Variants in ABL1 observed in about 807,000 individuals in gnomAD.
The protein encoded by ABL1 is tyrosine-protein kinase ABL1.
In ABL1, 11 loss-of-function variants were observed where a neutral mutation model predicts 94.7. The ratio of observed to expected loss-of-function variants is 0.12; its 90% CI spans 0.07 to 0.19. The LOEUF is 0.19. Ranked by LOEUF, ABL1 falls within the 10% of genes least tolerant of loss-of-function variation. ABL1 has a pLI of 1.00. For synonymous variants in ABL1, 656 were observed against 622.4 expected, an observed-to-expected ratio of 1.05 and a Z score of -0.80; for missense variants, 1,082 against 1,489.4, an observed-to-expected ratio of 0.73 and a Z score of 4.50.
chr9:130,859,684 T>C lies in ABL1; in HGVS notation c.550-3079T>C, dbSNP rs1273740804. Among the ~76,000 whole-genome samples, 244 of 107,194 alleles carry C rather than the reference T, an allele frequency of 2.3e-3. 19 individuals are homozygous for C. The highest frequency in any genetic ancestry group is 0.01 in the African/African-American group (227 of 22,160). 70.3% of individuals were successfully genotyped at this position (107,194 alleles called of 152,430 possible). ...GTTTCTTTTCTTTCTTTCCTTTTTT[T>C]TTTTTTTTTTTTTTTTTTTTTTGAG... On this transcript the variant is annotated intron_variant, in intron 3 of 10. Coordinates refer to ENST00000318560, the MANE Select transcript of ABL1 (RefSeq NM_005157.6).
At chr9:130,851,703 G>A (rs1830867319) in intron 1 of ABL1, among the ~76,000 whole-genome samples, 2 of 149,730 alleles carry the variant, frequency 1.3e-5, no homozygotes, top group Non-Finnish European at 3.0e-5. Context: ...GTTACCATTT[G>A]TTTGGCTCAA....
upstream of ABL1, among the ~76,000 whole-genome samples, chr9:130,831,527 ATT>A (rs1830494524): frequency 6.6e-6 from 1 of 152,218 alleles, no homozygotes; most frequent in Middle Eastern, 3.2e-3. Flanking sequence ...AATGAATTAA[ATT>A]TTAGAAATAT....
At chr9:130,819,082 G>A (rs904267170) in intron 1 of ABL1, among the ~76,000 whole-genome samples, 3 of 152,240 alleles carry the variant, frequency 2.0e-5, no homozygotes, top group East Asian at 1.9e-4. Context: ...TGCCGGGCGC[G>A]ATGGCTCATG....
intron 1 of ABL1, among the ~76,000 whole-genome samples, chr9:130,748,392 A>C (rs1054781293): frequency 6.6e-6 from 1 of 152,048 alleles, no homozygotes; most frequent in African/African-American, 2.4e-5. Context: ...CTCTAATATA[A>C]GAGTTGAATG....
intron 1 of ABL1, among the ~76,000 whole-genome samples, chr9:130,818,655 TGTG>T (rs1254276635): frequency 3.9e-5 from 6 of 152,212 alleles, no homozygotes; most frequent in Admixed American, 1.3e-4. Context: ...AAATGGTGTA[TGTG>T]GTGCCAGGTA....
intron 1 of ABL1, among the ~76,000 whole-genome samples, chr9:130,767,058 T>C (rs1284699859): frequency 6.6e-6 from 1 of 152,150 alleles, no homozygotes; most frequent in Non-Finnish European, 1.5e-5. Flanking sequence ...GGCCCTGCCC[T>C]TCACTCAGCT....
At chr9:130,833,234 C>T (rs544253373), upstream of ABL1, among the ~76,000 whole-genome samples, 7 of 152,204 alleles carry the variant, frequency 4.6e-5, no homozygotes, top group East Asian at 1.2e-3. Flanking sequence ...GGCATTAAGC[C>T]GCCAATTTGA....
At chr9:130,714,593 G>C in intron 1 of ABL1, 1 of 1,159,646 alleles carries the variant, frequency 8.6e-7, no homozygotes, top group South Asian at 1.3e-5. Context: ...TTATCTCTTA[G>C]TGGAACTTTC....
At chr9:130,762,731 G>A (rs1832131579) in intron 1 of ABL1, among the ~76,000 whole-genome samples, 1 of 152,000 alleles carries the variant, frequency 6.6e-6, no homozygotes. Flanking sequence ...CTAACACGGT[G>A]AAACCCCTTC....
chr9:130,803,739 C>T (rs572856439), intron 1 of ABL1, among the ~76,000 whole-genome samples: 43 of 152,198 alleles, frequency 2.8e-4, no homozygotes, highest in African/African-American at 9.2e-4. Flanking sequence ...TTATTGAAAA[C>T]GGAATACATA....
intron 7 of ABL1, among the ~76,000 whole-genome samples, chr9:130,878,151 A>C (rs757889412): frequency 6.6e-6 from 1 of 151,936 alleles, no homozygotes; most frequent in African/African-American, 2.4e-5. Flanking sequence ...GGGTTTCGCC[A>C]TGTTGGCCAG....
At chr9:130,801,535 TTTTC>T (rs1830054579) in intron 1 of ABL1, among the ~76,000 whole-genome samples, 1 of 152,184 alleles carries the variant, frequency 6.6e-6, no homozygotes, top group Non-Finnish European at 1.5e-5. Flanking sequence ...TGACAATGGA[TTTTC>T]TTTGTTTTCT....
At chr9:130,716,286 G>A (rs983014687) in intron 1 of ABL1, among the ~76,000 whole-genome samples, 13 of 151,772 alleles carry the variant, frequency 8.6e-5, no homozygotes, top group Non-Finnish European at 1.3e-4. Context: ...TAGTAGAGAC[G>A]GGGTTTCGCC....
chr9:130,824,683 T>C (rs891049000), intron 1 of ABL1, among the ~76,000 whole-genome samples: 5 of 152,160 alleles, frequency 3.3e-5, no homozygotes, highest in African/African-American at 1.2e-4. Flanking sequence ...AGGTTGCCTT[T>C]GGAAGCAAAA....
intron 1 of ABL1, among the ~76,000 whole-genome samples, chr9:130,811,310 G>C (rs1317362848): frequency 1.3e-5 from 2 of 151,894 alleles, no homozygotes; most frequent in Admixed American, 1.3e-4. Context: ...ACAAATAAAA[G>C]AAAACTGGAG....
chr9:130,872,030 G>A lies in ABL1; in HGVS notation c.823-99G>A. 9.6e-7 allele frequency: 1 copy of A among 1,043,720 alleles called. No homozygotes were observed. Among genetic ancestry groups the A allele is most frequent in the Non-Finnish European group, 1.4e-6 (1 of 692,748 alleles). The allele number at this position is 1,043,720 out of a possible 1,614,324, so 64.7% of individuals were successfully genotyped here. A position where few individuals can be genotyped will look rare whatever the true frequency, so the allele number is the denominator to read the frequency against. ...TGTCACAAAACGCAGCCCAGGACGA[G>A]TATGCGCTGAAGCTCCATTTTGCAT... On this transcript the variant is annotated intron_variant, in intron 4 of 10. Coordinates refer to ENST00000318560, the MANE Select transcript of ABL1 (RefSeq NM_005157.6). This position sits in a 1 kb window ranked among gnomAD's most constrained non-coding sequence, Gnocchi z 5.0.
chr9:130,880,016 G>T lies in ABL1; in HGVS notation c.1424-52G>T. 1 of 1,516,320 alleles carries T rather than the reference G, an allele frequency of 6.6e-7. No homozygotes were observed. The highest frequency in any genetic ancestry group is 9.2e-7 in the Non-Finnish European group (1 of 1,091,000). 93.9% of individuals were successfully genotyped at this position (1,516,320 alleles called of 1,614,324 possible). ...CTTTTCCTTGAGAACTGCTAGCCCC[G>T]TATTGCTAGCCAGATCTCATGGATG... On this transcript the variant is annotated intron_variant, in intron 8 of 10. Transcript: ENST00000318560. This position sits in a 1 kb window ranked among gnomAD's most constrained non-coding sequence, Gnocchi z 4.4.
chr9:130,764,065 G>A (rs1368103380), intron 1 of ABL1, among the ~76,000 whole-genome samples: 2 of 152,180 alleles, frequency 1.3e-5, no homozygotes, highest in Non-Finnish European at 2.9e-5. Context: ...AGGTGAGGGT[G>A]TTCCAGGCTG....
intron 1 of ABL1, among the ~76,000 whole-genome samples, chr9:130,723,334 A>G (rs1831539200): frequency 6.6e-6 from 1 of 152,158 alleles, no homozygotes; most frequent in African/African-American, 2.4e-5. Flanking sequence ...CTCTGAGACC[A>G]GGAGTTTGAG....
Sources: gnomAD v4.1 joint callset for allele counts (sites outside exome capture counted in the v4.1 genomes callset) on GRCh38, gnomAD v4.1.1 for gene constraint, Gnocchi (gnomAD v3.1) non-coding constraint, MANE v1.5 for transcripts, NCBI Gene and HGNC (gene_info 2026-07-23, HGNC 2026-07-21) for gene names.